NEK5: variants seen among roughly 807,000 people sequenced by gnomAD.
NEK5 encodes serine/threonine-protein kinase Nek5.
Under a neutral mutation model 109.2 loss-of-function variants are expected in NEK5, and 88 were observed. That is an observed-to-expected ratio of 0.81 (90% CI 0.68 to 0.96). The LOEUF (loss-of-function observed/expected upper bound fraction) is 0.96. Among genes scored for constraint, NEK5 ranks in the 40% least tolerant of loss-of-function variants. NEK5 has a pLI of 0.00. For missense variants in NEK5, 834 were observed against 920.7 expected (o/e 0.91, Z 1.22); for synonymous variants, 283 against 299.9 (o/e 0.94, Z 0.58).
At chr13:52,094,064 A>G (rs992903149) in intron 12 of NEK5, among the ~76,000 whole-genome samples, 10 of 152,218 alleles carry the variant, frequency 6.6e-5, no homozygotes, top group African/African-American at 2.4e-5. Flanking sequence ...AAAAGGTCAT[A>G]TAACAGCCAT....
chr13:52,072,727 T>C (rs1270890193), intron 19 of NEK5, among the ~76,000 whole-genome samples: 4 of 152,216 alleles, frequency 2.6e-5, no homozygotes, highest in Admixed American at 6.5e-5. Context: ...GAAGTCTTTA[T>C]GTAGCAAATG....
At chr13:52,057,848 C>G (rs1415928472) in intron 22 of NEK5, among the ~76,000 whole-genome samples, 2 of 151,602 alleles carry the variant, frequency 1.3e-5, no homozygotes, top group African/African-American at 4.8e-5. Context: ...CAATATCATA[C>G]TGAATGGGCA....
At chr13:52,099,624 C>T (rs1384471220) in intron 12 of NEK5, 119 bp downstream of exon 12, 117 of 1,029,068 alleles carry the variant, frequency 1.1e-4, no homozygotes, top group Admixed American at 1.4e-4. Flanking sequence ...GAGCCGAGAT[C>T]GCGCCACTGC....
At chr13:52,119,234 C>G in intron 4 of NEK5, 85 bp downstream of exon 4, 1 of 626,834 alleles carries the variant, frequency 1.6e-6, no homozygotes, top group Non-Finnish European at 2.6e-6. Context: ...TTAATTTATA[C>G]ACAGTCCTTA....
rs1955738431 is a variant in NEK5 at position 52,110,567 on chromosome 13, C to T, written c.323G>A (p.Trp108Ter). The T allele has an allele frequency of 6.2e-7, 1 of 1,607,614 alleles. No individual in the cohort carries two copies. Among genetic ancestry groups the T allele is most frequent in the African/African-American group, 1.3e-5 (1 of 74,710 alleles). ...VLFSEDQILG[W>*]FVQISLGLKH... is the part of the protein sequence containing the mutation. ...TAGTCCTAGAGAAATCTGTACAAAC[C>T]AACCGAGGATCTATAGAGAGAACAC... The change falls in exon 6 of 24, where the codon TGG becomes TAG. Residue 108 changes from tryptophan (W) to a stop codon, truncating the protein, a stop_gained. Coordinates refer to ENST00000684899, the MANE Select transcript of NEK5 (RefSeq NM_001365552.1). LOFTEE classifies it high-confidence loss of function.
At chr13:52,068,702 C>T (rs774300017) in intron 20 of NEK5, among the ~76,000 whole-genome samples, 10 of 152,264 alleles carry the variant, frequency 6.6e-5, no homozygotes, top group Non-Finnish European at 1.3e-4. Context: ...GGCGTGGTGG[C>T]TCACGCCTGT....
At position 52,089,875 on chromosome 13, in the gene NEK5, G is replaced by A. The variant is rs191660685; in HGVS notation, c.1209-562C>T. ...GGGCACCTGTAATCCCAGCTACTGG[G>A]GAGGCTGAGCAGGGAGGCAGAGGTT... On this transcript the variant is annotated intron_variant, in intron 13 of 23. Transcript: ENST00000684899. Among the ~76,000 whole-genome samples the A allele has an allele frequency of 1.7e-3, 258 of 152,060 alleles. 1 individual carries two copies. The highest frequency in any genetic ancestry group is 1.8e-3 in the Non-Finnish European group (125 of 67,972).
At chr13:52,085,288 T>G (rs1237519577) in intron 16 of NEK5, among the ~76,000 whole-genome samples, 1 of 152,198 alleles carries the variant, frequency 6.6e-6, no homozygotes, top group African/African-American at 2.4e-5. Context: ...CTGCCATGAT[T>G]GTGAGGCCTC....
At chr13:52,114,449 C>G (rs1330341787) in intron 4 of NEK5, among the ~76,000 whole-genome samples, 1 of 152,244 alleles carries the variant, frequency 6.6e-6, no homozygotes, top group East Asian at 1.9e-4. Flanking sequence ...GCTTCTAATT[C>G]ACAAACCATG....
intron 15 of NEK5, among the ~76,000 whole-genome samples, chr13:52,086,580 C>T (rs1315804060): frequency 6.6e-6 from 1 of 152,142 alleles, no homozygotes; most frequent in Non-Finnish European, 1.5e-5. Context: ...TTATATATAA[C>T]CCAAATGTGT....
chr13:52,064,540 G>A (rs1185681381), intron 21 of NEK5, among the ~76,000 whole-genome samples: 2 of 151,432 alleles, frequency 1.3e-5, no homozygotes, highest in Non-Finnish European at 3.0e-5. Context: ...CCGTCCGGGA[G>A]GTGAGGGGCA....
chr13:52,076,117 C>T lies in NEK5; in HGVS notation c.1599G>A (p.Met533Ile). 1 of 1,598,334 alleles carries T rather than the reference C, an allele frequency of 6.3e-7. No homozygotes were observed. Among genetic ancestry groups the T allele is most frequent in the Non-Finnish European group, 8.6e-7 (1 of 1,169,418 alleles). ...VQDIEKDLKQ[M>I]RLQNTKESKN... ...TACTTTCCTTTGTGTTCTGAAGCCT[C>T]ATTTGTTTCAAGTCTTTTTCAATGT... Residue 533 changes from methionine to isoleucine, a missense_variant, in exon 18 of 24, where the codon ATG becomes ATA. Transcript: ENST00000684899.
intron 17 of NEK5, chr13:52,082,134 G>C (rs942307896): frequency 4.4e-6 from 1 of 228,654 alleles, no homozygotes; most frequent in Admixed American, 5.4e-5. Context: ...TGGCCAACAT[G>C]GTGAGACCCT....
chr13:52,070,290 A>T (rs1954763156), intron 20 of NEK5, among the ~76,000 whole-genome samples: 1 of 152,178 alleles, frequency 6.6e-6, no homozygotes, highest in South Asian at 2.1e-4. Flanking sequence ...GTTAAATGTG[A>T]TAATATGTGG....
At chr13:52,105,491 T>G (rs544525387) in intron 8 of NEK5, among the ~76,000 whole-genome samples, 10 of 152,188 alleles carry the variant, frequency 6.6e-5, no homozygotes, top group Admixed American at 1.3e-4. Flanking sequence ...AGTGCTGGGA[T>G]TACAGGTGTG....
In NEK5 at chr13:52,034,087, G is replaced by T. The variant is rs1341731314; in HGVS notation, c.*2861C>A. 1 of 152,076 alleles carries T rather than the reference G, an allele frequency of 6.6e-6. No individual in the cohort carries two copies. The highest frequency in any genetic ancestry group is 2.4e-5 in the African/African-American group (1 of 41,390). 9.4% of individuals were successfully genotyped at this position (152,076 alleles called of 1,614,324 possible). On this transcript the variant is annotated 3_prime_UTR_variant, in exon 24 of 24. Coordinates refer to ENST00000684899, the MANE Select transcript of NEK5 (RefSeq NM_001365552.1). ...TGCAAATGTTACTAGACACAGAGGAGGTCAAAGTGTTGATACACTTATTGC... is the reference window on the plus strand; with the variant it reads ...TGCAAATGTTACTAGACACAGAGGATGTCAAAGTGTTGATACACTTATTGC...
intron 16 of NEK5, among the ~76,000 whole-genome samples, chr13:52,084,512 G>A (rs990632183): frequency 6.6e-6 from 1 of 151,680 alleles, no homozygotes; most frequent in African/African-American, 2.4e-5. Flanking sequence ...AACATGAGTA[G>A]GGGTTTTAGA....
intron 16 of NEK5, among the ~76,000 whole-genome samples, chr13:52,084,098 A>G (rs1196330858): frequency 6.6e-6 from 1 of 152,066 alleles, no homozygotes. Context: ...AATACCCGCT[A>G]CCTGCTCATT....
chr13:52,119,500 T>G (rs928478325), intron 3 of NEK5, 85 bp from the exon 4 acceptor site: 1 of 614,206 alleles, frequency 1.6e-6, no homozygotes, highest in Non-Finnish European at 2.8e-6. Context: ...TCTAAAATTC[T>G]CTAGGATTTC....
Sources: allele counts gnomAD v4.1 joint callset (sites outside exome capture counted in the v4.1 genomes callset), GRCh38; gene constraint gnomAD v4.1.1; transcripts MANE v1.5; gene names NCBI Gene and HGNC (gene_info 2026-07-23, HGNC 2026-07-21).